Variants in POU2F3 observed in about 807,000 individuals in gnomAD.
POU2F3 encodes POU domain, class 2, transcription factor 3.
A neutral mutation model predicts 59.2 loss-of-function variants in POU2F3; 23 were observed. The ratio of observed to expected loss-of-function variants is 0.39; its 90% CI spans 0.28 to 0.55. The LOEUF (loss-of-function observed/expected upper bound fraction) is 0.55. Among genes scored for constraint, POU2F3 ranks in the 20% least tolerant of loss-of-function variants. The pLI is 0.66. For missense variants in POU2F3, 473 were observed against 544.5 expected (o/e 0.87, Z 1.31); for synonymous variants, 190 against 214.6 (o/e 0.89, Z 1.00).
At chr11:120,259,848 C>T (rs533516079) in intron 2 of POU2F3, among the ~76,000 whole-genome samples, 11 of 152,324 alleles carry the variant, frequency 7.2e-5, no homozygotes, top group African/African-American at 2.6e-4. Flanking sequence ...TTCCCAGTTC[C>T]TTGGATGAAT....
chr11:120,316,761 C>G (rs1414179952), intron 11 of POU2F3, among the ~76,000 whole-genome samples: 3 of 152,206 alleles, frequency 2.0e-5, no homozygotes, highest in African/African-American at 7.2e-5. Flanking sequence ...AACCAAGCAC[C>G]TTTTCTTTGT....
At chr11:120,246,332 G>T in intron 1 of POU2F3, 117 bp from the exon 2 acceptor site, 1 of 1,067,602 alleles carries the variant, frequency 9.4e-7, no homozygotes, top group East Asian at 2.4e-5. Flanking sequence ...TCAGGAATTT[G>T]AAAGTCTGAT....
chr11:120,319,599 A>C lies in POU2F3; in HGVS notation c.*1207A>C, dbSNP rs1941871588. On this transcript the variant is annotated 3_prime_UTR_variant, in exon 13 of 13. Transcript: ENST00000543440. ...GGATTACAGGCGCCCACCACCAAAA[A>C]TTAGCCCAGCTAATTTTTGTATTTT... 6.6e-6 allele frequency: 1 copy of C among 151,644 alleles called. No homozygotes were observed. The highest frequency in any genetic ancestry group is 2.1e-4 in the South Asian group (1 of 4,776). The allele number at this position is 151,644 out of a possible 1,614,324, so 9.4% of individuals were successfully genotyped here.
intron 3 of POU2F3, among the ~76,000 whole-genome samples, chr11:120,271,500 C>G (rs1565367101): frequency 1.3e-5 from 2 of 152,236 alleles, no homozygotes; most frequent in East Asian, 3.9e-4. Flanking sequence ...TTCCCCAGCC[C>G]AGGGCCCACC....
intron 3 of POU2F3, among the ~76,000 whole-genome samples, chr11:120,276,030 G>A (rs1328728442): frequency 6.6e-6 from 1 of 152,194 alleles, no homozygotes; most frequent in African/African-American, 2.4e-5. Flanking sequence ...GACCCAGAAT[G>A]ATGGAGAGGT....
rs559138862 is a variant in POU2F3, at chr11:120,280,340, G to A, written c.132+11096G>A. 9.7e-4 allele frequency among the ~76,000 whole-genome samples: 147 copies of A among 152,198 alleles called. 1 individual carries two copies. Among genetic ancestry groups the A allele is most frequent in the Non-Finnish European group, 1.9e-3 (130 of 68,030 alleles). On this transcript the variant is annotated intron_variant, in intron 3 of 12. Transcript: ENST00000543440. ...TCCATTTTAAAGATGAAGAAACTGAGGCTAGGAGAGGTCAAGCAACCTGCT... is the reference window on the plus strand; with the variant it reads ...TCCATTTTAAAGATGAAGAAACTGAAGCTAGGAGAGGTCAAGCAACCTGCT...
chr11:120,267,067 C>T, intron 2 of POU2F3, among the ~76,000 whole-genome samples: 1 of 152,016 alleles, frequency 6.6e-6, no homozygotes, highest in East Asian at 1.9e-4. Context: ...TTACCTTCAT[C>T]TACCCCTTTC....
intron 2 of POU2F3, among the ~76,000 whole-genome samples, chr11:120,261,132 T>G (rs2135170174): frequency 8.2e-6 from 1 of 121,608 alleles, no homozygotes; most frequent in East Asian, 4.1e-4. Context: ...GCTTTGGGGT[T>G]GGAGACATGG....
At chr11:120,312,609 A>G (rs1248883837) in intron 10 of POU2F3, among the ~76,000 whole-genome samples, 1 of 152,228 alleles carries the variant, frequency 6.6e-6, no homozygotes, top group East Asian at 1.9e-4. Context: ...TGGAGGCAAC[A>G]TGATATTCAT....
At chr11:120,266,686 C>G (rs1939838618) in intron 2 of POU2F3, among the ~76,000 whole-genome samples, 1 of 152,192 alleles carries the variant, frequency 6.6e-6, no homozygotes, top group African/African-American at 2.4e-5. Flanking sequence ...AAAATGTCAC[C>G]TCCCTTGAGT....
intron 6 of POU2F3, chr11:120,303,154 G>A (rs986035120): frequency 1.4e-4 from 22 of 152,286 alleles, no homozygotes; most frequent in South Asian, 2.1e-4. Context: ...CCAAGAGCCC[G>A]GCCTTCAGAG....
At chr11:120,277,519 T>C (rs1473699368) in intron 3 of POU2F3, among the ~76,000 whole-genome samples, 2 of 151,884 alleles carry the variant, frequency 1.3e-5, no homozygotes, top group African/African-American at 4.8e-5. Flanking sequence ...CTCACGCCTG[T>C]AATCCCAGCA....
chr11:120,308,887 G>A (rs188563475), intron 9 of POU2F3, among the ~76,000 whole-genome samples: 83 of 131,374 alleles, frequency 6.3e-4, no homozygotes, highest in Admixed American at 2.7e-3. Context: ...TGCAGTGAGC[G>A]GAGATCGCGC....
chr11:120,308,153 T>C (rs1941551333), intron 9 of POU2F3, among the ~76,000 whole-genome samples: 1 of 152,238 alleles, frequency 6.6e-6, no homozygotes, highest in Non-Finnish European at 1.5e-5. Flanking sequence ...GTGATCGTGT[T>C]ATACACCTAC....
At chr11:120,236,820 C>T, upstream of POU2F3, 3 of 1,113,446 alleles carry the variant, frequency 2.7e-6, no homozygotes, top group South Asian at 2.7e-5. Context: ...ACCCTATACA[C>T]AGGTGGGACT....
chr11:120,243,294 A>C (rs1565350464), intron 1 of POU2F3, among the ~76,000 whole-genome samples: 1 of 152,080 alleles, frequency 6.6e-6, no homozygotes, highest in Non-Finnish European at 1.5e-5. Context: ...ACTAGGAGAG[A>C]GGGCTGTGGC....
chr11:120,245,100 C>T (rs1401269224), intron 1 of POU2F3, among the ~76,000 whole-genome samples: 7 of 152,058 alleles, frequency 4.6e-5, no homozygotes, highest in African/African-American at 1.7e-4. Context: ...TTGAAAACTC[C>T]TTAAACCACA....
rs9971474 is a variant in POU2F3 at position 120,288,824 on chromosome 11, T to A, written c.133-9441T>A. Among the ~76,000 whole-genome samples the A allele has an allele frequency of 2.0e-5, 3 of 149,774 alleles. No homozygotes were observed. In the East Asian group the frequency reaches 5.8e-4, roughly 29 times the overall value. ...TGTATTACATACGCACATGTATGTA[T>A]TACATATGTACATGTATGTAATACA... On this transcript the variant is annotated intron_variant, in intron 3 of 12. Coordinates refer to ENST00000543440, the MANE Select transcript of POU2F3 (RefSeq NM_014352.4).
intron 1 of POU2F3, among the ~76,000 whole-genome samples, chr11:120,242,629 G>C (rs1938712319): frequency 6.6e-6 from 1 of 152,194 alleles, no homozygotes; most frequent in Non-Finnish European, 1.5e-5. Flanking sequence ...ACACAAACTA[G>C]AGCATAGGCT....
Sources: allele counts gnomAD v4.1 joint callset (sites outside exome capture counted in the v4.1 genomes callset), GRCh38; gene constraint gnomAD v4.1.1; transcripts MANE v1.5; gene names NCBI Gene and HGNC (gene_info 2026-07-23, HGNC 2026-07-21).